KIFAP3: variants seen among roughly 807,000 people sequenced by gnomAD.
KIFAP3 encodes kinesin associated protein 3.
A neutral mutation model predicts 106.5 loss-of-function variants in KIFAP3; 68 were observed. The observed-to-expected ratio is 0.64, with a 90% CI of 0.53 to 0.78. The LOEUF is 0.78. KIFAP3 is among the 30% of genes least tolerant of loss of function. KIFAP3 has a pLI of 0.00. For missense variants in KIFAP3, 780 were observed against 941.8 expected (o/e 0.83, Z 2.25); for synonymous variants, 320 against 311.5 (o/e 1.03, Z -0.29).
At chr1:170,082,314 C>T (rs188507617) in intron 1 of KIFAP3, among the ~76,000 whole-genome samples, 25 of 152,082 alleles carry the variant, frequency 1.6e-4, no homozygotes, top group Middle Eastern at 3.4e-3. Flanking sequence ...CTCATTATGA[C>T]GAAAGAACCA....
intron 5 of KIFAP3, among the ~76,000 whole-genome samples, chr1:170,035,951 C>A (rs559152889): frequency 1.3e-5 from 2 of 151,688 alleles, no homozygotes; most frequent in South Asian, 4.2e-4. Context: ...ATGAAAAAAA[C>A]TTGAATAAGT....
chr1:169,926,012 AT>A (rs1178355935), intron 19 of KIFAP3, among the ~76,000 whole-genome samples: 1 of 152,140 alleles, frequency 6.6e-6, no homozygotes, highest in Non-Finnish European at 1.5e-5. Context: ...AGGCCAAATT[AT>A]TTTTTCAAAG....
At chr1:170,017,725 C>A (rs911237006) in intron 9 of KIFAP3, among the ~76,000 whole-genome samples, 11 of 152,158 alleles carry the variant, frequency 7.2e-5, no homozygotes, top group African/African-American at 2.4e-4. Flanking sequence ...CAGGAATACT[C>A]CTAAAATCCA....
intron 19 of KIFAP3, among the ~76,000 whole-genome samples, chr1:169,928,359 A>G (rs1217910385): frequency 6.6e-6 from 1 of 152,040 alleles, no homozygotes; most frequent in Admixed American, 6.5e-5. Flanking sequence ...TGGCCTCCCA[A>G]AGTGCTGGGA....
At chr1:169,969,063 A>C (rs531108438) in intron 17 of KIFAP3, among the ~76,000 whole-genome samples, 38 of 152,038 alleles carry the variant, frequency 2.5e-4, no homozygotes, top group Non-Finnish European at 4.3e-4. Flanking sequence ...CTGAGAAATA[A>C]AAGAATTTAC....
chr1:170,034,070 T>G (rs1417063579), intron 7 of KIFAP3, among the ~76,000 whole-genome samples: 1 of 151,732 alleles, frequency 6.6e-6, no homozygotes, highest in Admixed American at 6.6e-5. Flanking sequence ...CAAAGGATCT[T>G]AGTGGATGTA....
At chr1:169,976,835 G>A (rs538707828) in intron 16 of KIFAP3, among the ~76,000 whole-genome samples, 2 of 152,046 alleles carry the variant, frequency 1.3e-5, no homozygotes, top group African/African-American at 2.4e-5. Context: ...TCACTGCTTC[G>A]GTGTCCCGAG....
chr1:170,056,778 T>C (rs1473844625), intron 1 of KIFAP3, among the ~76,000 whole-genome samples: 1 of 151,988 alleles, frequency 6.6e-6, no homozygotes, highest in Non-Finnish European at 1.5e-5. Flanking sequence ...AGTATAGTGA[T>C]AGGGTAGGAA....
intron 1 of KIFAP3, among the ~76,000 whole-genome samples, chr1:170,061,861 T>C (rs1359022662): frequency 6.6e-6 from 1 of 152,122 alleles, no homozygotes; most frequent in African/African-American, 2.4e-5. Context: ...ATGTCCTTTG[T>C]AGGGACATGG....
intron 10 of KIFAP3, among the ~76,000 whole-genome samples, chr1:169,997,866 C>CAAAAAAAAAAAA (rs11297528): frequency 2.7e-5 from 2 of 74,092 alleles, no homozygotes; most frequent in African/African-American, 5.6e-5. Context: ...TGAGACGTCT[C>CAAAAAAAAAAAA]AAAAAAAAAA....
At position 170,074,656 on chromosome 1, in the gene KIFAP3, C is replaced by G; in HGVS notation, c.-189G>C. Reference sequence around the variant, plus strand: ...CAGCTCCTCCCACAGCTTCTGTGCCCCAAAACACTGGAGCGGCCCAGACCC... The same window carrying G: ...CAGCTCCTCCCACAGCTTCTGTGCCGCAAAACACTGGAGCGGCCCAGACCC... On this transcript the variant is annotated 5_prime_UTR_variant, in exon 1 of 20. Transcript: ENST00000361580. The G allele has an allele frequency of 6.9e-7, 1 of 1,456,886 alleles. No individual in the cohort carries two copies. Among genetic ancestry groups the G allele is most frequent in the Non-Finnish European group, 9.1e-7 (1 of 1,103,870 alleles). The allele number at this position is 1,456,886 out of a possible 1,614,324, so 90.2% of individuals were successfully genotyped here.
intron 17 of KIFAP3, among the ~76,000 whole-genome samples, chr1:169,968,989 C>G (rs1454931727): frequency 6.6e-6 from 1 of 151,846 alleles, no homozygotes; most frequent in East Asian, 1.9e-4. Flanking sequence ...AGAGGGCTGA[C>G]TAAATTTATC....
At chr1:170,039,762 A>C (rs533312119) in intron 3 of KIFAP3, among the ~76,000 whole-genome samples, 1 of 152,286 alleles carries the variant, frequency 6.6e-6, no homozygotes, top group African/African-American at 2.4e-5. Context: ...AATAGTTGCT[A>C]ACTGGTTCTT....
intron 10 of KIFAP3, among the ~76,000 whole-genome samples, chr1:170,003,471 C>T (rs940479014): frequency 2.0e-5 from 3 of 152,186 alleles, no homozygotes; most frequent in Admixed American, 6.5e-5. Context: ...TTAGGCTACT[C>T]GGGAGTCAGG....
In KIFAP3 at chr1:170,016,342, TC is replaced by T; in HGVS notation, c.1183+119del. ...CTCTGCTTATTTTTATTATTTAGTT[TC>T]CAGTCAAAGAATATAGACAGAATGC... On this transcript the variant is annotated intron_variant, in intron 10 of 19. Coordinates refer to ENST00000361580, the MANE Select transcript of KIFAP3 (RefSeq NM_014970.4). 1.3e-5 allele frequency: 9 copies of T among 714,756 alleles called. No individual in the cohort carries two copies. In the South Asian group the frequency reaches 1.8e-4, roughly 14 times the overall value. 44.3% of individuals were successfully genotyped at this position (714,756 alleles called of 1,614,324 possible).
intron 10 of KIFAP3, among the ~76,000 whole-genome samples, chr1:170,002,342 G>A (rs1031316603): frequency 7.9e-5 from 12 of 152,092 alleles, no homozygotes; most frequent in Non-Finnish European, 1.2e-4. Flanking sequence ...ATATCAATAT[G>A]GAACACCTTA....
At chr1:170,021,933 TTTTCTTTC>T (rs1557843624) in intron 9 of KIFAP3, among the ~76,000 whole-genome samples, 4 of 146,790 alleles carry the variant, frequency 2.7e-5, no homozygotes, top group Admixed American at 6.8e-5. Flanking sequence ...TATTTCTTTC[TTTTCTTTC>T]TTTTTTTTTT....
chr1:170,076,755 C>G (rs1671926948), upstream of KIFAP3, among the ~76,000 whole-genome samples: 1 of 152,154 alleles, frequency 6.6e-6, no homozygotes, highest in African/African-American at 2.4e-5. Flanking sequence ...TTGCAAGCAC[C>G]AATAAACAAT....
At chr1:169,923,579 T>C (rs553902283) in intron 19 of KIFAP3, among the ~76,000 whole-genome samples, 2 of 152,324 alleles carry the variant, frequency 1.3e-5, no homozygotes, top group South Asian at 2.1e-4. Flanking sequence ...TGAGGCCAAA[T>C]AGCAGTAGAC....
Sources: allele counts gnomAD v4.1 joint callset (sites outside exome capture counted in the v4.1 genomes callset), GRCh38; gene constraint gnomAD v4.1.1; transcripts MANE v1.5; gene names NCBI Gene and HGNC (gene_info 2026-07-23, HGNC 2026-07-21).